The following EYS variants were observed in gnomAD, a reference collection of about 807,000 sequenced individuals.
EYS encodes the protein EGF-like photoreceptor maintenance factor, also known as protein eyes shut homolog.
A neutral mutation model predicts 282.1 loss-of-function variants in EYS; 250 were observed. The observed-to-expected ratio is 0.89, with a 90% CI of 0.80 to 0.98. The LOEUF (loss-of-function observed/expected upper bound fraction) is 0.98, where lower values mean the gene tolerates loss of function less well. Ranked by LOEUF, EYS falls within the 50% of genes least tolerant of loss-of-function variation. The pLI is 0.00. For synonymous variants in EYS, 1,355 were observed against 1,282.9 expected, an observed-to-expected ratio of 1.06 and a Z score of -1.20; for missense variants, 4,016 against 3,709.0, an observed-to-expected ratio of 1.08 and a Z score of -2.15.
chr6:64,783,961 A>T (rs2149995596), intron 22 of EYS, among the ~76,000 whole-genome samples: 1 of 152,264 alleles, frequency 6.6e-6, no homozygotes, highest in East Asian at 1.9e-4. Context: ...TTTAATCAAA[A>T]TATTACTTTT....
chr6:64,989,786 G>C (rs1341204983), intron 14 of EYS, among the ~76,000 whole-genome samples: 1 of 114,724 alleles, frequency 8.7e-6, no homozygotes, highest in Non-Finnish European at 1.7e-5. Context: ...ATATAACATA[G>C]AATATATATT....
intron 28 of EYS, among the ~76,000 whole-genome samples, chr6:64,392,126 C>G (rs943373934): frequency 1.8e-4 from 27 of 150,832 alleles, no homozygotes; most frequent in Non-Finnish European, 3.0e-5. Flanking sequence ...ATCCATAAAG[C>G]AAGTCCTGAG....
chr6:64,156,464 G>A (rs1774926545), intron 31 of EYS, among the ~76,000 whole-genome samples: 1 of 152,158 alleles, frequency 6.6e-6, no homozygotes, highest in Admixed American at 6.5e-5. Flanking sequence ...CTAGAAGTGG[G>A]AGTGTTGCTG....
intron 31 of EYS, among the ~76,000 whole-genome samples, chr6:64,139,833 G>T (rs888191369): frequency 1.3e-5 from 2 of 151,970 alleles, no homozygotes; most frequent in African/African-American, 4.8e-5. Context: ...GCTGGGCGTG[G>T]TGGCAGGCGC....
intron 30 of EYS, among the ~76,000 whole-genome samples, chr6:64,274,906 A>T (rs1036608541): frequency 1.3e-5 from 2 of 152,170 alleles, no homozygotes; most frequent in Non-Finnish European, 2.9e-5. Flanking sequence ...CCTAGTGGCG[A>T]CTATCTGGCA....
chr6:64,966,641 C>T (rs1195862523), intron 14 of EYS, among the ~76,000 whole-genome samples: 3 of 152,108 alleles, frequency 2.0e-5, no homozygotes, highest in Non-Finnish European at 4.4e-5. Context: ...GGTTTATGCC[C>T]ACCTTTTCCT....
At chr6:65,442,772 AT>A (rs1406424876) in intron 5 of EYS, among the ~76,000 whole-genome samples, 2 of 142,468 alleles carry the variant, frequency 1.4e-5, no homozygotes, top group Non-Finnish European at 3.2e-5. Context: ...AAAATAAAAA[AT>A]AAAAAATTAA....
chr6:64,766,558 A>T (rs1349503663), intron 22 of EYS, among the ~76,000 whole-genome samples: 1 of 142,600 alleles, frequency 7.0e-6, no homozygotes, highest in Admixed American at 7.0e-5. Context: ...CTTGAACCTG[A>T]GAGACGGAGT....
chr6:64,504,607 G>T (rs1777155581), intron 26 of EYS, among the ~76,000 whole-genome samples: 2 of 152,170 alleles, frequency 1.3e-5, no homozygotes, highest in Admixed American at 1.3e-4. Flanking sequence ...GAGGAGCCAG[G>T]GAAGACTGGA....
chr6:65,664,172 T>C (rs1286639048), intron 1 of EYS, among the ~76,000 whole-genome samples: 1 of 152,090 alleles, frequency 6.6e-6, no homozygotes, highest in Non-Finnish European at 1.5e-5. Context: ...GCCCGGCCCA[T>C]AAATTTTTAT....
chr6:64,220,312 G>A (rs1031479389), intron 31 of EYS, among the ~76,000 whole-genome samples: 2 of 152,084 alleles, frequency 1.3e-5, no homozygotes, highest in African/African-American at 4.8e-5. Context: ...TATTTTCTCT[G>A]TGCTCAGTTT....
At chr6:64,951,847 A>T (rs1271242523) in intron 14 of EYS, among the ~76,000 whole-genome samples, 1 of 151,886 alleles carries the variant, frequency 6.6e-6, no homozygotes, top group African/African-American at 2.4e-5. Flanking sequence ...GAAAATAGCC[A>T]TTATTTGTTT....
At chr6:64,327,250 G>A (rs1330522980) in intron 29 of EYS, among the ~76,000 whole-genome samples, 1 of 152,122 alleles carries the variant, frequency 6.6e-6, no homozygotes, top group African/African-American at 2.4e-5. Context: ...GCATGCTCCT[G>A]GCTAAGCAGT....
intron 12 of EYS, among the ~76,000 whole-genome samples, chr6:65,263,703 C>CTGTG (rs3042394): frequency 0.051 from 7,262 of 141,330 alleles, 242 homozygotes; most frequent in African/African-American, 0.098. Flanking sequence ...CAAGGCAAAG[C>CTGTG]TGTGTGTGTG....
At chr6:64,097,267 C>T (rs1772658302) in intron 31 of EYS, among the ~76,000 whole-genome samples, 1 of 152,188 alleles carries the variant, frequency 6.6e-6, no homozygotes. Flanking sequence ...AGAACCATTA[C>T]TCTCTTCAAA....
At chr6:64,456,640 T>C (rs1319257841) in intron 26 of EYS, among the ~76,000 whole-genome samples, 1 of 152,050 alleles carries the variant, frequency 6.6e-6, no homozygotes, top group Admixed American at 6.6e-5. Flanking sequence ...TAGAAAGTTA[T>C]TGCAACAAAA....
At chr6:65,629,155 C>G (rs1159990827) in intron 2 of EYS, among the ~76,000 whole-genome samples, 1 of 152,104 alleles carries the variant, frequency 6.6e-6, no homozygotes, top group East Asian at 1.9e-4. Flanking sequence ...GGAAATGAGA[C>G]TGAAGGTAAG....
At chr6:65,441,949 T>C (rs766034454) in intron 5 of EYS, among the ~76,000 whole-genome samples, 1 of 152,052 alleles carries the variant, frequency 6.6e-6, no homozygotes, top group African/African-American at 2.4e-5. Flanking sequence ...AAACTAAATG[T>C]CATTTCTTCA....
rs528733427 is a variant in EYS at position 65,495,334 on chromosome 6, C to T, written c.77G>A (p.Arg26Gln). The change falls in exon 4 of 43, where the codon CGG becomes CAG. Residue 26 changes from arginine to glutamine, a missense_variant. By Grantham distance (43) the Arg-to-Gln change is conservative (BLOSUM62 1). Coordinates refer to ENST00000503581, the MANE Select transcript of EYS (RefSeq NM_001142800.2). ...SSFINGKTCR[R>Q]QLVEEWHPQP... is the part of the protein sequence containing the mutation. ...TGGATGCCATTCTTCCACCAATTGC[C>T]GTCTACATGTTTTTCCATTTATGAA... 7.9e-5 allele frequency: 127 copies of T among 1,613,700 alleles called. No individual in the cohort carries two copies. The highest frequency in any genetic ancestry group is 2.5e-4 in the East Asian group (11 of 44,872).
Sources: gnomAD v4.1 joint callset for allele counts (sites outside exome capture counted in the v4.1 genomes callset) on GRCh38, gnomAD v4.1.1 for gene constraint, MANE v1.5 for transcripts, NCBI Gene and HGNC (gene_info 2026-07-23, HGNC 2026-07-21) for gene names.